THRB: variants seen among roughly 807,000 people sequenced by gnomAD.
THRB encodes the protein nuclear receptor subfamily 1 group A member 2.
Under a neutral mutation model 47.8 loss-of-function variants are expected in THRB, and 12 were observed. The observed-to-expected ratio is 0.25, with a 90% CI of 0.16 to 0.41. The LOEUF is 0.41. THRB is among the 10% of genes least tolerant of loss of function. The probability of loss-of-function intolerance (pLI) is 1.00; values close to 1 mark genes in which losing one functional copy is unlikely to be tolerated. For synonymous variants in THRB, 218 were observed against 212.2 expected (o/e 1.03, Z -0.24); for missense variants, 348 against 589.2 (o/e 0.59, Z 4.24).
chr3:24,474,104 T>A (rs1013969355), intron 1 of THRB, among the ~76,000 whole-genome samples: 1 of 152,162 alleles, frequency 6.6e-6, no homozygotes, highest in Non-Finnish European at 1.5e-5. Flanking sequence ...GAACTTAAAG[T>A]ATAATTTAAA....
At chr3:24,202,941 C>T (rs563189575) in intron 4 of THRB, among the ~76,000 whole-genome samples, 11 of 152,298 alleles carry the variant, frequency 7.2e-5, no homozygotes, top group African/African-American at 2.6e-4. Context: ...AAGTGCTGCA[C>T]TTGGAATCTT....
chr3:24,368,361 C>A (rs931940844), intron 1 of THRB, among the ~76,000 whole-genome samples: 5 of 152,032 alleles, frequency 3.3e-5, no homozygotes, highest in African/African-American at 4.8e-5. Context: ...AGAGTGTGCA[C>A]AAATGAACAG....
intron 6 of THRB, among the ~76,000 whole-genome samples, chr3:24,151,929 T>G (rs1180648375): frequency 6.6e-6 from 1 of 152,172 alleles, no homozygotes; most frequent in African/African-American, 2.4e-5. Context: ...TATTCCCTAT[T>G]GGAACCCTTG....
At chr3:24,222,454 C>G (rs761506378) in intron 4 of THRB, among the ~76,000 whole-genome samples, 4 of 152,094 alleles carry the variant, frequency 2.6e-5, no homozygotes, top group Admixed American at 2.0e-4. Context: ...GGTCCAGATT[C>G]CTGACTGCAG....
intron 1 of THRB, among the ~76,000 whole-genome samples, chr3:24,424,280 A>T (rs2150321812): frequency 6.6e-6 from 1 of 151,972 alleles, no homozygotes; most frequent in South Asian, 2.1e-4. Flanking sequence ...ACTCCATAGG[A>T]TTCTAATACC....
In THRB at chr3:24,131,794, C is replaced by T. The variant is rs139151134; in HGVS notation, c.885+1522G>A. On this transcript the variant is annotated intron_variant, in intron 9 of 10. Coordinates refer to ENST00000646209, the MANE Select transcript of THRB (RefSeq NM_001354712.2). ...AATCTGCTGGTAACTTGATCGTGAACGTCCCAGCCTCCAGAACTGTAAGAC... is the reference window on the plus strand; with the variant it reads ...AATCTGCTGGTAACTTGATCGTGAATGTCCCAGCCTCCAGAACTGTAAGAC... Among the ~76,000 whole-genome samples, 273 of 152,314 alleles carry T rather than the reference C, an allele frequency of 1.8e-3. 1 individual carries two copies. Among genetic ancestry groups the T allele is most frequent in the Admixed American group, 0.015 (236 of 15,308 alleles).
intron 3 of THRB, among the ~76,000 whole-genome samples, chr3:24,249,870 C>T (rs529481659): frequency 3.5e-4 from 53 of 152,166 alleles, no homozygotes; most frequent in Admixed American, 2.2e-3. Context: ...ACTATTAGGC[C>T]GGGGCAAAAG....
intron 1 of THRB, among the ~76,000 whole-genome samples, chr3:24,375,820 C>T (rs755543224): frequency 2.6e-5 from 4 of 151,752 alleles, no homozygotes; most frequent in Non-Finnish European, 5.9e-5. Context: ...TTTTTGAATC[C>T]AGATCTTCTG....
intron 5 of THRB, among the ~76,000 whole-genome samples, chr3:24,166,133 CAAG>C: frequency 6.6e-6 from 1 of 152,192 alleles, no homozygotes; most frequent in Non-Finnish European, 1.5e-5. Context: ...CTGATGTCTG[CAAG>C]TGAGTTTTAT....
chr3:24,438,671 T>C (rs1346267542), intron 1 of THRB, among the ~76,000 whole-genome samples: 3 of 152,140 alleles, frequency 2.0e-5, no homozygotes, highest in Non-Finnish European at 4.4e-5. Flanking sequence ...AACAGAAAAC[T>C]GAAGCCTGCT....
intron 1 of THRB, among the ~76,000 whole-genome samples, chr3:24,436,401 G>A (rs963099737): frequency 6.6e-6 from 1 of 152,056 alleles, no homozygotes; most frequent in African/African-American, 2.4e-5. Flanking sequence ...GACACGCCTC[G>A]ATGCACGACT....
chr3:24,476,526 GA>G (rs1415647103), intron 1 of THRB, among the ~76,000 whole-genome samples: 1 of 152,168 alleles, frequency 6.6e-6, no homozygotes, highest in African/African-American at 2.4e-5. Flanking sequence ...GAGTGTTGAA[GA>G]AATGTAAATG....
At chr3:24,246,858 A>C (rs1008194704) in intron 3 of THRB, among the ~76,000 whole-genome samples, 1 of 152,234 alleles carries the variant, frequency 6.6e-6, no homozygotes, top group Middle Eastern at 3.2e-3. Context: ...AAAAGGAAAG[A>C]CAGTGGATCT....
At chr3:24,482,221 A>C (rs972127112) in intron 1 of THRB, among the ~76,000 whole-genome samples, 1 of 152,190 alleles carries the variant, frequency 6.6e-6, no homozygotes, top group Non-Finnish European at 1.5e-5. Flanking sequence ...AATAGTAATA[A>C]AATTGTTTTC....
intron 2 of THRB, among the ~76,000 whole-genome samples, chr3:24,319,933 C>T (rs1230753202): frequency 3.3e-5 from 5 of 152,146 alleles, no homozygotes; most frequent in Non-Finnish European, 5.9e-5. Flanking sequence ...TTCAAACAAC[C>T]GAGGGCAAAG....
rs185795661 is a variant in THRB, at chr3:24,431,765, G to T, written c.-261+62887C>A. ...CCCAAAAGTCTACACAGACTACACAGAACAAAGTGATATATTGCCTAGCAG... is the reference window on the plus strand; with the variant it reads ...CCCAAAAGTCTACACAGACTACACATAACAAAGTGATATATTGCCTAGCAG... On this transcript the variant is annotated intron_variant, in intron 1 of 10. Coordinates refer to ENST00000646209, the MANE Select transcript of THRB (RefSeq NM_001354712.2). Among the ~76,000 whole-genome samples, 142 of 152,152 alleles carry T rather than the reference G, an allele frequency of 9.3e-4. 1 individual carries two copies. The highest frequency in any genetic ancestry group is 3.1e-3 in the African/African-American group (128 of 41,538).
intron 2 of THRB, among the ~76,000 whole-genome samples, chr3:24,304,309 T>A (rs56774323): frequency 0.03 from 4,642 of 152,222 alleles, 241 homozygotes; most frequent in African/African-American, 0.11. Flanking sequence ...CACCTTTTTT[T>A]AAAAGTAGAT....
At chr3:24,445,695 G>C (rs972823987) in intron 1 of THRB, among the ~76,000 whole-genome samples, 1 of 151,978 alleles carries the variant, frequency 6.6e-6, no homozygotes, top group Non-Finnish European at 1.5e-5. Flanking sequence ...TAATATCTTT[G>C]GCCACATCGA....
intron 1 of THRB, among the ~76,000 whole-genome samples, chr3:24,371,897 T>C (rs993256127): frequency 2.0e-5 from 3 of 152,156 alleles, no homozygotes; most frequent in African/African-American, 7.2e-5. Context: ...ATATACAATT[T>C]TGTGTTTATA....
Sources: allele counts gnomAD v4.1 joint callset (sites outside exome capture counted in the v4.1 genomes callset), GRCh38; gene constraint gnomAD v4.1.1; transcripts MANE v1.5; gene names NCBI Gene and HGNC (gene_info 2026-07-23, HGNC 2026-07-21).